The following UQCRC2 variants were observed in gnomAD, a reference collection of about 807,000 sequenced individuals.
UQCRC2 encodes ubiquinol-cytochrome c reductase core protein 2.
In UQCRC2, 49 loss-of-function variants were observed where a neutral mutation model predicts 55.6. That is an observed-to-expected ratio of 0.88 (90% confidence interval 0.70 to 1.12). UQCRC2 has a LOEUF of 1.12. Ranked by LOEUF, UQCRC2 falls within the 50% of genes most tolerant of loss-of-function variation. UQCRC2 has a pLI of 0.00. For synonymous variants in UQCRC2, 193 were observed against 192.0 expected (o/e 1.01, Z -0.04); for missense variants, 506 against 547.8 (o/e 0.92, Z 0.76).
Position 21,958,050 on chromosome 16 carries a change from A to G in UQCRC2, c.267+484A>G, listed in dbSNP as rs555117709. ...AAATCTGCAGAGACCTTATTACCAAATAAAGTAACATGCAAATATTCTGGC... is the reference window on the plus strand; with the variant it reads ...AAATCTGCAGAGACCTTATTACCAAGTAAAGTAACATGCAAATATTCTGGC... On this transcript the variant is annotated intron_variant, in intron 3 of 13. Coordinates refer to ENST00000268379, the MANE Select transcript of UQCRC2 (RefSeq NM_003366.4). Among the ~76,000 whole-genome samples, 3 of 152,326 alleles carry G rather than the reference A, an allele frequency of 2.0e-5. No homozygotes were observed. In the South Asian group the frequency reaches 6.2e-4, roughly 32 times the overall value.
At chr16:21,977,380 T>C (rs1321566335) in intron 12 of UQCRC2, among the ~76,000 whole-genome samples, 1 of 152,016 alleles carries the variant, frequency 6.6e-6, no homozygotes, top group Non-Finnish European at 1.5e-5. Context: ...TATTTCTAAG[T>C]CACAAATCTA....
chr16:21,956,688 A>G (rs1236313469), intron 1 of UQCRC2, among the ~76,000 whole-genome samples: 1 of 152,240 alleles, frequency 6.6e-6, no homozygotes, highest in African/African-American at 2.4e-5. Context: ...AAAAATAAGC[A>G]TCAAGAACTC....
At position 21,958,544 on chromosome 16, in the gene UQCRC2, G is replaced by A. The variant is rs774290393; in HGVS notation, c.277G>A (p.Gly93Arg). Residue 93 changes from glycine (G) to arginine (R), a missense_variant, in exon 4 of 14, where the codon GGA (glycine) becomes AGA (arginine). Coordinates refer to ENST00000268379, the MANE Select transcript of UQCRC2 (RefSeq NM_003366.4). ...TTCTTTCTTTTTCAAGACGACAAAA[G>A]GAGCTTCATCTTTCAAGATAACCCG... ...LRLTSSLTTK[G>R]ASSFKITRGI... 2 of 1,612,166 alleles carry A rather than the reference G, an allele frequency of 1.2e-6. No individual in the cohort carries two copies. The highest frequency in any genetic ancestry group is 1.1e-5 in the South Asian group (1 of 90,444).
Position 21,979,570 on chromosome 16 carries a change from A to T in UQCRC2, c.1125-977A>T, listed in dbSNP as rs117343454. Among the ~76,000 whole-genome samples, 8 of 152,330 alleles carry T rather than the reference A, an allele frequency of 5.3e-5. No homozygotes were observed. The East Asian group carries it at 1.3e-3, about 26-fold the overall frequency. On this transcript the variant is annotated intron_variant, in intron 12 of 13. Transcript: ENST00000268379. ...ATAACACAAAGGTAAGTATTTGTGCATCTAAACATAGGAAAGGTACAGTAA... is the reference window on the plus strand; with the variant it reads ...ATAACACAAAGGTAAGTATTTGTGCTTCTAAACATAGGAAAGGTACAGTAA...
intron 4 of UQCRC2, among the ~76,000 whole-genome samples, chr16:21,960,026 T>G (rs1164275186): frequency 6.6e-6 from 1 of 152,200 alleles, no homozygotes; most frequent in East Asian, 1.9e-4. Context: ...CTCTAGGATT[T>G]TGAGAATGGT....
chr16:21,980,676 A>G lies in UQCRC2; in HGVS notation c.1254A>G (p.Ser418=). 3 of 1,614,132 alleles carry G rather than the reference A, an allele frequency of 1.9e-6. No individual in the cohort carries two copies. Among genetic ancestry groups the G allele is most frequent in the Non-Finnish European group, 2.5e-6 (3 of 1,180,024 alleles). The change falls in exon 13 of 14, where the codon TCA becomes TCG. Residue 418 remains serine (S), a synonymous_variant. Transcript: ENST00000268379. ...PPSTVLQQID[S]VANADIINAA... is the part of the protein sequence containing the mutation. ...CCACAGTCCTTCAGCAGATTGATTC[A>G]GTGGCTAATGCTGATATCATAAATG...
chr16:21,968,610 T>C lies in UQCRC2; in HGVS notation c.613-18T>C. ...ATTTATGCTAATATAACCTAATAAG[T>C]GTTTTTAACTTCCTCAGTTACATTA... On this transcript the variant is annotated intron_variant, in intron 7 of 13. Coordinates refer to ENST00000268379, the MANE Select transcript of UQCRC2 (RefSeq NM_003366.4). 6.3e-7 allele frequency: 1 copy of C among 1,593,090 alleles called. No homozygotes were observed. Among genetic ancestry groups the C allele is most frequent in the Non-Finnish European group, 8.5e-7 (1 of 1,170,864 alleles).
intron 4 of UQCRC2, chr16:21,961,200 A>T: frequency 7.1e-6 from 2 of 282,520 alleles, no homozygotes; most frequent in Admixed American, 7.9e-5. Context: ...TAGGAGTATA[A>T]ATTGATACAA....
chr16:21,971,539 GTTCTAAAGCAAGTTGC>G lies in UQCRC2; in HGVS notation c.687_702del (p.Leu230AsnfsTer6). The G allele has an allele frequency of 6.2e-7, 1 of 1,614,088 alleles. No homozygotes were observed. Among genetic ancestry groups the G allele is most frequent in the Non-Finnish European group, 8.5e-7 (1 of 1,179,966 alleles). On this transcript the variant is annotated frameshift_variant, in exon 9 of 14. Transcript: ENST00000268379. LOFTEE classifies it high-confidence loss of function. ...TGTTGAAACAGGTGTGAGTCATCCTGTTCTAAAGCAAGTTGCTGAACAGTTTCTCAACATGAGGGGT... is the reference window on the plus strand; with the variant it reads ...TGTTGAAACAGGTGTGAGTCATCCTGTGAACAGTTTCTCAACATGAGGGGT...
chr16:21,953,567 T>G, intron 1 of UQCRC2, 111 bp downstream of exon 1: 2 of 1,390,922 alleles, frequency 1.4e-6, no homozygotes, highest in Non-Finnish European at 1.9e-6. Flanking sequence ...CGGTCTGCCC[T>G]TCAGCTGAAC....
At position 21,957,481 on chromosome 16, in the gene UQCRC2, T is replaced by C. The variant is rs1302174997; in HGVS notation, c.182T>C (p.Ile61Thr). Reference protein sequence around the residue: ...SLENYSPVSRIGLFIKAGSRY... With the variant: ...SLENYSPVSRTGLFIKAGSRY... ...GAAAACTATTCTCCTGTATCAAGAA[T>C]TGGTTTGTTCATTAAAGCAGGCAGT... is the stretch of plus-strand genomic sequence containing the variant. The change falls in exon 3 of 14, where the codon ATT (isoleucine) becomes ACT (threonine). Residue 61 changes from isoleucine to threonine, a missense_variant. Ile to Thr is a moderately conservative substitution (Grantham distance 89). Coordinates refer to ENST00000268379, the MANE Select transcript of UQCRC2 (RefSeq NM_003366.4). The C allele has an allele frequency of 6.2e-7, 1 of 1,614,058 alleles. No individual in the cohort carries two copies. The highest frequency in any genetic ancestry group is 2.2e-5 in the East Asian group (1 of 44,896).
Position 21,976,226 on chromosome 16 carries a change from A to C in UQCRC2, c.1107A>C (p.Thr369=). 1 of 1,613,864 alleles carries C rather than the reference A, an allele frequency of 6.2e-7. No individual in the cohort carries two copies. The highest frequency in any genetic ancestry group is 8.5e-7 in the Non-Finnish European group (1 of 1,179,764). The stretch of plus-strand genomic sequence containing the variant: ...TAGCTCAAGGAAACCTTTCCAACAC[A>C]GATGTCCAAGCTGCCAAGTAAGTCT... ...KTIAQGNLSN[T]DVQAAKNKLK... The change falls in exon 12 of 14, where the codon ACA becomes ACC. Residue 369 remains threonine, a synonymous_variant. Transcript: ENST00000268379.
chr16:21,958,204 T>C (rs1456868681), intron 3 of UQCRC2, among the ~76,000 whole-genome samples: 2 of 152,114 alleles, frequency 1.3e-5, no homozygotes, highest in South Asian at 2.1e-4. Context: ...TGTTAGAGCA[T>C]AAGAAATCAG....
intron 4 of UQCRC2, among the ~76,000 whole-genome samples, chr16:21,958,930 A>G (rs952953883): frequency 3.3e-5 from 5 of 152,252 alleles, no homozygotes; most frequent in African/African-American, 7.2e-5. Flanking sequence ...TTATGTTTAC[A>G]CTATACTGTG....
chr16:21,961,330 A>T (rs1250679678), intron 4 of UQCRC2: 1 of 448,748 alleles, frequency 2.2e-6, no homozygotes, highest in East Asian at 7.1e-5. Context: ...ATCTTTAGGG[A>T]AATGGGTAAA....
intron 1 of UQCRC2, among the ~76,000 whole-genome samples, chr16:21,954,643 T>C (rs1898061039): frequency 1.3e-5 from 2 of 152,220 alleles, no homozygotes; most frequent in Admixed American, 1.3e-4. Flanking sequence ...TTTAGCACTT[T>C]ATATAGGAGA....
intron 12 of UQCRC2, among the ~76,000 whole-genome samples, chr16:21,980,065 G>A (rs570666495): frequency 2.0e-5 from 3 of 152,202 alleles, no homozygotes; most frequent in Admixed American, 6.5e-5. Context: ...TGTTCGATAC[G>A]TTAGGTGTAT....
At chr16:21,958,498 G>T in intron 3 of UQCRC2, 37 bp from the exon 4 acceptor site, 2 of 1,600,750 alleles carry the variant, frequency 1.2e-6, no homozygotes, top group South Asian at 2.2e-5. Flanking sequence ...ACTTGGCATT[G>T]AAAAGCTACA....
intron 4 of UQCRC2, among the ~76,000 whole-genome samples, chr16:21,960,949 G>A (rs752828238): frequency 4.6e-5 from 7 of 151,940 alleles, no homozygotes; most frequent in Admixed American, 6.6e-5. Context: ...TTCTCCCTCC[G>A]CTTCCCAAGT....
Sources: gnomAD v4.1 joint callset for allele counts (sites outside exome capture counted in the v4.1 genomes callset) on GRCh38, gnomAD v4.1.1 for gene constraint, MANE v1.5 for transcripts, NCBI Gene and HGNC (gene_info 2026-07-23, HGNC 2026-07-21) for gene names.